Variants in OXR1 observed in about 807,000 individuals in gnomAD.
The protein encoded by OXR1 is oxidation resistance 1.
Under a neutral mutation model 104.6 loss-of-function variants are expected in OXR1, and 41 were observed. The ratio of observed to expected loss-of-function variants is 0.39; its 90% CI spans 0.31 to 0.51. The LOEUF (loss-of-function observed/expected upper bound fraction) is 0.51, where lower values mean the gene tolerates loss of function less well. OXR1 is among the 20% of genes least tolerant of loss of function. OXR1 has a pLI of 0.77. For synonymous variants in OXR1, 348 were observed against 348.4 expected (o/e 1.00, Z 0.01); for missense variants, 955 against 1,031.9 (o/e 0.93, Z 1.02).
chr8:106,468,199 T>C (rs1821283069), intron 2 of OXR1, among the ~76,000 whole-genome samples: 7 of 151,856 alleles, frequency 4.6e-5, no homozygotes, highest in Admixed American at 4.6e-4. Context: ...CAACAAGGTC[T>C]TCACCCTCAA....
chr8:106,307,979 C>A (rs549512691), intron 1 of OXR1, among the ~76,000 whole-genome samples: 25 of 151,750 alleles, frequency 1.6e-4, no homozygotes, highest in Admixed American at 8.5e-4. Flanking sequence ...CACACACACA[C>A]AAAAATGGAA....
rs1027041259 is a variant in OXR1 at position 106,694,450 on chromosome 8, A to G, written c.675+1573A>G. ...TTAATATATATAAATATATTTTTAT[A>G]TATATTTGATATATAAATATATTTA... is the stretch of plus-strand genomic sequence containing the variant. On this transcript the variant is annotated intron_variant, in intron 7 of 16. Coordinates refer to ENST00000517566, the MANE Select transcript of OXR1 (RefSeq NM_001198533.2). Among the ~76,000 whole-genome samples, 225 of 134,746 alleles carry G rather than the reference A, an allele frequency of 1.7e-3. 3 individuals are homozygous for G. Among genetic ancestry groups the G allele is most frequent in the Non-Finnish European group, 2.5e-3 (164 of 64,794 alleles). 88.4% of individuals were successfully genotyped at this position (134,746 alleles called of 152,430 possible). A position where few individuals can be genotyped will look rare whatever the true frequency, so the allele number is the denominator to read the frequency against.
At chr8:106,398,772 A>G (rs1817885951) in intron 2 of OXR1, among the ~76,000 whole-genome samples, 1 of 152,092 alleles carries the variant, frequency 6.6e-6, no homozygotes, top group Non-Finnish European at 1.5e-5. Flanking sequence ...CCTCTGGTGA[A>G]TCAGTTAGTT....
intron 2 of OXR1, among the ~76,000 whole-genome samples, chr8:106,459,516 A>G (rs1241028523): frequency 6.6e-6 from 1 of 152,074 alleles, no homozygotes; most frequent in Non-Finnish European, 1.5e-5. Flanking sequence ...TTACCTATAC[A>G]TAAAGCCAGC....
At chr8:106,349,724 G>A (rs1815644218) in intron 1 of OXR1, among the ~76,000 whole-genome samples, 1 of 152,138 alleles carries the variant, frequency 6.6e-6, no homozygotes, top group Non-Finnish European at 1.5e-5. Flanking sequence ...TCAGCACCCT[G>A]GAAGTCAAGG....
intron 4 of OXR1, 78 bp from the exon 5 acceptor site, chr8:106,683,121 A>G (rs1295022255): frequency 1.0e-5 from 7 of 674,036 alleles, no homozygotes; most frequent in African/African-American, 7.2e-5. Flanking sequence ...GTCCCTAGAT[A>G]TATTAATGCT....
intron 11 of OXR1, among the ~76,000 whole-genome samples, chr8:106,720,269 A>G (rs546519425): frequency 6.6e-6 from 1 of 152,338 alleles, no homozygotes; most frequent in African/African-American, 2.4e-5. Flanking sequence ...AAGGTCACAA[A>G]TCAGACCAAT....
chr8:106,524,427 A>G (rs755228306), intron 3 of OXR1, among the ~76,000 whole-genome samples: 2 of 152,220 alleles, frequency 1.3e-5, no homozygotes, highest in Non-Finnish European at 2.9e-5. Context: ...GAATTCATAT[A>G]TCACGGTCCA....
At chr8:106,295,515 A>T (rs1399437931) in intron 1 of OXR1, among the ~76,000 whole-genome samples, 2 of 152,132 alleles carry the variant, frequency 1.3e-5, no homozygotes, top group Non-Finnish European at 2.9e-5. Flanking sequence ...AACTCATTAG[A>T]TAATGTTACC....
intron 14 of OXR1, among the ~76,000 whole-genome samples, chr8:106,740,904 A>G (rs989930384): frequency 6.6e-6 from 1 of 152,152 alleles, no homozygotes; most frequent in African/African-American, 2.4e-5. Flanking sequence ...AAAAGCACAA[A>G]TAAGAGTAAT....
At chr8:106,657,145 A>G (rs1825165772) in intron 3 of OXR1, among the ~76,000 whole-genome samples, 1 of 152,148 alleles carries the variant, frequency 6.6e-6, no homozygotes, top group African/African-American at 2.4e-5. Context: ...TGTCCCTGAA[A>G]GGTAGATCCG....
rs141626908 is a variant in OXR1 at position 106,742,987 on chromosome 8, A to G, written c.2412+670A>G. Among the ~76,000 whole-genome samples, 476 of 152,340 alleles carry G rather than the reference A, an allele frequency of 3.1e-3. 5 individuals carry two copies. Among genetic ancestry groups the G allele is most frequent in the African/African-American group, 0.011 (458 of 41,582 alleles). On this transcript the variant is annotated intron_variant, in intron 15 of 16. Coordinates refer to ENST00000517566, the MANE Select transcript of OXR1 (RefSeq NM_001198533.2). ...GAGCTTCTGTACAGCAAAATAAACT[A>G]TCATCAGAGTGAACAGACAGCCTAC... is the stretch of plus-strand genomic sequence containing the variant.
At chr8:106,270,811 G>T (rs1811767250) in intron 1 of OXR1, among the ~76,000 whole-genome samples, 1 of 152,146 alleles carries the variant, frequency 6.6e-6, no homozygotes, top group African/African-American at 2.4e-5. Context: ...GTCTTGAACA[G>T]AACGGCAGGA....
chr8:106,356,098 A>G (rs1815956947), intron 1 of OXR1, among the ~76,000 whole-genome samples: 1 of 152,182 alleles, frequency 6.6e-6, no homozygotes. Context: ...GGTCAATTTG[A>G]TTATGCCATC....
intron 3 of OXR1, among the ~76,000 whole-genome samples, chr8:106,674,503 T>G (rs1827365721): frequency 6.6e-6 from 1 of 152,080 alleles, no homozygotes; most frequent in African/African-American, 2.4e-5. Context: ...ACTTTGGACT[T>G]GGATTTTAGG....
At chr8:106,501,397 T>C (rs1031565490) in intron 2 of OXR1, among the ~76,000 whole-genome samples, 2 of 152,148 alleles carry the variant, frequency 1.3e-5, no homozygotes, top group Non-Finnish European at 2.9e-5. Flanking sequence ...CCAGGTTATA[T>C]GGGATCTTGC....
rs1351076233 is a variant in OXR1 at position 106,737,439 on chromosome 8, TC to T, written c.1957-80del. 460 of 356,400 alleles carry T rather than the reference TC, an allele frequency of 1.3e-3. 3 individuals are homozygous for T. The highest frequency in any genetic ancestry group is 2.1e-3 in the Admixed American group (40 of 18,706). 22.1% of individuals were successfully genotyped at this position (356,400 alleles called of 1,614,324 possible). On this transcript the variant is annotated intron_variant, in intron 11 of 16. Transcript: ENST00000517566. ...GTTCTCTTCCCATTTTAATTTCTCCTCTTTTTTTTTTTTTTTTTTTTTTTTT... is the reference window on the plus strand; with the variant it reads ...GTTCTCTTCCCATTTTAATTTCTCCTTTTTTTTTTTTTTTTTTTTTTTTTT...
At chr8:106,378,666 C>T (rs7837406) in intron 2 of OXR1, among the ~76,000 whole-genome samples, 5,128 of 152,224 alleles carry the variant, frequency 0.034, 156 homozygotes, top group African/African-American at 0.076. Context: ...TGTGCCACCA[C>T]GCCTGGCTAA....
intron 3 of OXR1, among the ~76,000 whole-genome samples, chr8:106,560,593 C>T (rs1441338564): frequency 1.3e-5 from 2 of 152,124 alleles, no homozygotes; most frequent in Non-Finnish European, 2.9e-5. Flanking sequence ...GACTTTGGCT[C>T]CAAATAGCAC....
Sources: gnomAD v4.1 joint callset for allele counts (sites outside exome capture counted in the v4.1 genomes callset) on GRCh38, gnomAD v4.1.1 for gene constraint, MANE v1.5 for transcripts, NCBI Gene and HGNC (gene_info 2026-07-23, HGNC 2026-07-21) for gene names.